Variants in FER1L5 observed in about 807,000 individuals in gnomAD.
The protein encoded by FER1L5 is fer-1 like family member 5, also known as fer-1-like protein 5.
A neutral mutation model predicts 279.9 loss-of-function variants in FER1L5; 187 were observed. That is an observed-to-expected ratio of 0.67 (90% CI 0.59 to 0.75). FER1L5 has a LOEUF of 0.75. Ranked by LOEUF, FER1L5 falls within the 30% of genes least tolerant of loss-of-function variation. The pLI is 0.00. For missense variants in FER1L5, 2,091 were observed against 2,594.4 expected (o/e 0.81, Z 4.21); for synonymous variants, 921 against 989.7 (o/e 0.93, Z 1.30).
chr2:96,688,695 G>A (rs144938756), intron 24 of FER1L5, among the ~76,000 whole-genome samples: 15 of 152,210 alleles, frequency 9.9e-5, no homozygotes, highest in Middle Eastern at 3.4e-3. Flanking sequence ...TCTTGGAGGC[G>A]CAGAGGTGGA....
intron 7 of FER1L5, chr2:96,652,354 C>T (rs934474985): frequency 2.7e-5 from 8 of 301,502 alleles, no homozygotes; most frequent in African/African-American, 1.5e-4. Context: ...TGCTGGAGCC[C>T]CAAATTGTAG....
intron 19 of FER1L5, among the ~76,000 whole-genome samples, chr2:96,679,381 G>A (rs192559298): frequency 3.9e-5 from 6 of 152,216 alleles, no homozygotes; most frequent in African/African-American, 9.6e-5. Flanking sequence ...GTGTCACCAC[G>A]CCCAGCTAAT....
intron 18 of FER1L5, among the ~76,000 whole-genome samples, chr2:96,671,614 ACAT>A (rs2106578846): frequency 6.6e-6 from 1 of 152,364 alleles, no homozygotes; most frequent in South Asian, 2.1e-4. Context: ...CAGGGATGTG[ACAT>A]CAACACACCA....
chr2:96,673,639 C>T (rs1414780633), intron 19 of FER1L5, among the ~76,000 whole-genome samples: 1 of 152,174 alleles, frequency 6.6e-6, no homozygotes, highest in Non-Finnish European at 1.5e-5. Flanking sequence ...CCCCAACATC[C>T]AACCAACTAC....
chr2:96,647,464 T>A (rs559936849), intron 3 of FER1L5, among the ~76,000 whole-genome samples: 13 of 152,196 alleles, frequency 8.5e-5, no homozygotes, highest in Non-Finnish European at 1.5e-4. Flanking sequence ...GAGACTCACA[T>A]GCCCTGAGAC....
chr2:96,704,241 T>TG lies in FER1L5; in HGVS notation c.5829dup (p.Arg1944AlafsTer34). On this transcript the variant is annotated frameshift_variant, in exon 52 of 53. Coordinates refer to ENST00000624922, the MANE Select transcript of FER1L5 (RefSeq NM_001293083.2). LOFTEE classifies it high-confidence loss of function. ...CGCACCAACACCTCTTTCACGTGGC[T>TG]GCGGTCACCAGTTCAAAACTTCTGC... 1.2e-6 allele frequency: 2 copies of TG among 1,614,030 alleles called. No individual in the cohort carries two copies. The highest frequency in any genetic ancestry group is 1.7e-6 in the Non-Finnish European group (2 of 1,179,896).
chr2:96,651,896 G>C lies in FER1L5; in HGVS notation c.509G>C (p.Arg170Pro). The C allele has an allele frequency of 2.6e-6, 4 of 1,552,040 alleles. No individual in the cohort carries two copies. Among genetic ancestry groups the C allele is most frequent in the Non-Finnish European group, 3.5e-6 (4 of 1,147,052 alleles). Reference protein sequence around the residue: ...LSSKPQHFQVRVKVFEARQLM... With the variant: ...LSSKPQHFQVPVKVFEARQLM... ...CCCCATGTGTTCCGCCCTTAGGTTCGAGTGAAGGTGTTTGAAGCCCGACAG... is the reference window on the plus strand; with the variant it reads ...CCCCATGTGTTCCGCCCTTAGGTTCCAGTGAAGGTGTTTGAAGCCCGACAG... The change falls in exon 7 of 53, where the codon CGA becomes CCA. Residue 170 changes from arginine to proline, a missense_variant. Arg to Pro is a moderately radical substitution (Grantham distance 103, BLOSUM62 -2). Coordinates refer to ENST00000624922, the MANE Select transcript of FER1L5 (RefSeq NM_001293083.2).
rs1573938278 is a variant in FER1L5, at chr2:96,691,355, T to G, written c.2907+2T>G. ...GAGACCCTCTCCTTCCTGCAGCTGGTGAGGGGTCGACGGGCGCCCTGGCTG... is the reference window on the plus strand; with the variant it reads ...GAGACCCTCTCCTTCCTGCAGCTGGGGAGGGGTCGACGGGCGCCCTGGCTG... On this transcript the variant is annotated splice_donor_variant, in intron 28 of 52. Transcript: ENST00000624922. LOFTEE classifies it high-confidence loss of function. This position sits in a 1 kb window ranked among gnomAD's most constrained non-coding sequence, Gnocchi z 6.0. 6.5e-7 allele frequency: 1 copy of G among 1,548,114 alleles called. No individual in the cohort carries two copies. Among genetic ancestry groups the G allele is most frequent in the Non-Finnish European group, 8.7e-7 (1 of 1,145,134 alleles).
intron 7 of FER1L5, chr2:96,653,439 G>A (rs147071010): frequency 2.6e-5 from 15 of 578,506 alleles, no homozygotes; most frequent in African/African-American, 2.5e-4. Flanking sequence ...GGGTCATGTT[G>A]GCACTCAGAA....
Position 96,663,468 on chromosome 2 carries a change from C to T in FER1L5, c.1101C>T (p.Asp367=). 1 of 1,551,626 alleles carries T rather than the reference C, an allele frequency of 6.4e-7. No individual in the cohort carries two copies. The highest frequency in any genetic ancestry group is 8.7e-7 in the Non-Finnish European group (1 of 1,146,950). ...KLRTHMQTQT[D]NPIWNQILTF... is the part of the protein sequence containing the mutation. Reference sequence around the variant, plus strand: ...GGACACACATGCAGACCCAAACCGACAACCCGATATGGAACCAGATCCTGA... The same window carrying T: ...GGACACACATGCAGACCCAAACCGATAACCCGATATGGAACCAGATCCTGA... Residue 367 remains aspartate, a synonymous_variant, in exon 14 of 53, where the codon GAC becomes GAT. Transcript: ENST00000624922.
Position 96,686,094 on chromosome 2 carries a change from C to T in FER1L5, c.2050C>T (p.Arg684Cys), listed in dbSNP as rs372356350. ...GGCCACAGCGGAGGACTGGCTGTACCGCCTCAACACCGTGCTCCCTGAGGT... is the reference window on the plus strand; with the variant it reads ...GGCCACAGCGGAGGACTGGCTGTACTGCCTCAACACCGTGCTCCCTGAGGT... ...MVATAEDWLY[R>C]LNTVLPEPQM... Residue 684 changes from arginine (R) to cysteine (C), a missense_variant, in exon 22 of 53, where the codon CGC (arginine) becomes TGC (cysteine). Arg to Cys is a radical substitution (Grantham distance 180). Transcript: ENST00000624922. 542 of 1,551,020 alleles carry T rather than the reference C, an allele frequency of 3.5e-4. 1 individual carries two copies. Among genetic ancestry groups the T allele is most frequent in the Middle Eastern group, 1.3e-3 (8 of 6,006 alleles).
chr2:96,649,491 C>T (rs894066029), intron 4 of FER1L5, 132 bp from the exon 5 acceptor site: 6 of 786,776 alleles, frequency 7.6e-6, no homozygotes, highest in South Asian at 3.3e-5. Context: ...TGGTGTGGCC[C>T]CATCCCATGA....
intron 19 of FER1L5, among the ~76,000 whole-genome samples, chr2:96,682,139 T>C (rs1322004589): frequency 6.6e-6 from 1 of 151,224 alleles, no homozygotes; most frequent in African/African-American, 2.4e-5. Context: ...CAGGCTGGAG[T>C]GCAGTGGTGC....
At chr2:96,645,554 G>A (rs546735228) in intron 1 of FER1L5, among the ~76,000 whole-genome samples, 5 of 152,298 alleles carry the variant, frequency 3.3e-5, no homozygotes, top group South Asian at 2.1e-4. Flanking sequence ...TTGGGAGGCC[G>A]AGGCAGGCAG....
chr2:96,689,505 A>G lies in FER1L5; in HGVS notation c.2525+129A>G. On this transcript the variant is annotated intron_variant, in intron 25 of 52. Transcript: ENST00000624922. This position sits in a 1 kb window ranked among gnomAD's most constrained non-coding sequence, Gnocchi z 4.6. ...CAGAGGGCCGAGGTGCACCAGGCCAAGGGCCCTGCCCACCACCCTGTCCTG... is the reference window on the plus strand; with the variant it reads ...CAGAGGGCCGAGGTGCACCAGGCCAGGGGCCCTGCCCACCACCCTGTCCTG... 1.4e-6 allele frequency: 2 copies of G among 1,461,102 alleles called. No individual in the cohort carries two copies. The highest frequency in any genetic ancestry group is 1.2e-5 in the South Asian group (1 of 80,262). The allele number at this position is 1,461,102 out of a possible 1,614,324, so 90.5% of individuals were successfully genotyped here.
intron 34 of FER1L5, 22 bp from the exon 35 acceptor site, chr2:96,695,487 C>T: frequency 6.4e-7 from 1 of 1,564,450 alleles, no homozygotes; most frequent in East Asian, 2.3e-5. Flanking sequence ...CCTTGTCCTG[C>T]CCTCCTTCTT....
intron 17 of FER1L5, 114 bp from the exon 18 acceptor site, chr2:96,670,005 G>A: frequency 7.2e-7 from 1 of 1,390,364 alleles, no homozygotes; most frequent in Non-Finnish European, 9.8e-7. Context: ...GTTGCAGTAA[G>A]CCCCGGGCAG....
Position 96,694,656 on chromosome 2 carries a change from C to G in FER1L5, c.3741+192C>G, listed in dbSNP as rs1394274271. 3 of 496,730 alleles carry G rather than the reference C, an allele frequency of 6.0e-6. No homozygotes were observed. The highest frequency in any genetic ancestry group is 1.1e-5 in the Non-Finnish European group (3 of 284,722). 30.8% of individuals were successfully genotyped at this position (496,730 alleles called of 1,614,324 possible). On this transcript the variant is annotated intron_variant, in intron 34 of 52. Coordinates refer to ENST00000624922, the MANE Select transcript of FER1L5 (RefSeq NM_001293083.2). This position sits in a 1 kb window ranked among gnomAD's most constrained non-coding sequence, Gnocchi z 4.6. ...TGTAACACTGGAAATCATTTTACCA[C>G]AAACCTCTGCAGTGAGGAGTAGGCA...
At chr2:96,645,813 A>G (rs2075096613) in intron 1 of FER1L5, among the ~76,000 whole-genome samples, 1 of 152,128 alleles carries the variant, frequency 6.6e-6, no homozygotes, top group Non-Finnish European at 1.5e-5. Context: ...AGAAAAGTAA[A>G]GAAAAAATAA....
Sources: gnomAD v4.1 joint callset for allele counts (sites outside exome capture counted in the v4.1 genomes callset) on GRCh38, gnomAD v4.1.1 for gene constraint, Gnocchi (gnomAD v3.1) non-coding constraint, MANE v1.5 for transcripts, NCBI Gene and HGNC (gene_info 2026-07-23, HGNC 2026-07-21) for gene names.